Variants in SCARF2 observed in about 807,000 individuals in gnomAD.
SCARF2 encodes the protein scavenger receptor expressed by endothelial cells 2 protein.
SCARF2 carries 39 observed loss-of-function variants against 73.4 expected under a neutral mutation model. The ratio of observed to expected loss-of-function variants is 0.53; its 90% CI spans 0.41 to 0.69. The LOEUF is 0.69. Ranked by LOEUF, SCARF2 falls within the 30% of genes least tolerant of loss-of-function variation. SCARF2 has a pLI of 0.00. For synonymous variants in SCARF2, 605 were observed against 590.0 expected, an observed-to-expected ratio of 1.03 and a Z score of -0.37; for missense variants, 1,148 against 1,303.5, an observed-to-expected ratio of 0.88 and a Z score of 1.84.
In SCARF2 at chr22:20,432,064, T is replaced by C. The variant is rs1476715422; in HGVS notation, c.174-76A>G. On this transcript the variant is annotated intron_variant, in intron 1 of 10. Transcript: ENST00000622235. ...ATCTGCTCCGGGCTCCTCCGCAGCC[T>C]CCGCACAGCCTCCCTGCCTCTGCAG... 1.1e-5 allele frequency: 16 copies of C among 1,428,962 alleles called. No homozygotes were observed. In the African/African-American group the frequency reaches 2.2e-4, roughly 20 times the overall value. The allele number at this position is 1,428,962 out of a possible 1,614,324, so 88.5% of individuals were successfully genotyped here. A position where few individuals can be genotyped will look rare whatever the true frequency, so the allele number is the denominator to read the frequency against.
At chr22:20,434,877 A>C (rs2052682934) in intron 1 of SCARF2, among the ~76,000 whole-genome samples, 1 of 152,086 alleles carries the variant, frequency 6.6e-6, no homozygotes, top group Non-Finnish European at 1.5e-5. Flanking sequence ...CACACCCTTC[A>C]GACCCCACAC....
Position 20,431,819 on chromosome 22 carries a change from G to C in SCARF2, c.260C>G (p.Ser87Ter). 6.3e-7 allele frequency: 1 copy of C among 1,598,890 alleles called. No homozygotes were observed. The highest frequency in any genetic ancestry group is 8.5e-7 in the Non-Finnish European group (1 of 1,173,980). The part of the protein sequence containing the change: ...IAVCEGNSTC[S>*]ENEVCVRPGE... ...AGGCCTCACGCACACCTCGTTCTCT[G>C]AGCACGTGGAGTTGCCTTCGCACAC... Residue 87 changes from serine (S) to a stop codon, truncating the protein, a stop_gained, in exon 3 of 11, where the codon TCA becomes TGA. Transcript: ENST00000622235. LOFTEE classifies it high-confidence loss of function.
In SCARF2 at chr22:20,431,325, T is replaced by C; in HGVS notation, c.547A>G (p.Ser183Gly). The C allele has an allele frequency of 6.6e-7, 1 of 1,508,162 alleles. No homozygotes were observed. The highest frequency in any genetic ancestry group is 1.2e-5 in the South Asian group (1 of 81,178). The allele number at this position is 1,508,162 out of a possible 1,614,324, so 93.4% of individuals were successfully genotyped here. ...GACGTGGCGCTGCAGTAGCACGCGC[T>C]GGCGCACTGCGCGCCCCACCAGCCG... ...EPGWWGAQCA[S>G]ACYCSATSRC... is the part of the protein sequence containing the mutation. Residue 183 changes from serine (S) to glycine (G), a missense_variant, in exon 4 of 11, where the codon AGC (serine) becomes GGC (glycine). Ser to Gly is a moderately conservative substitution (Grantham distance 56). Coordinates refer to ENST00000622235, the MANE Select transcript of SCARF2 (RefSeq NM_182895.5).
rs201154364 is a variant in SCARF2 at position 20,429,865 on chromosome 22, G to A, written c.1203-32C>T. On this transcript the variant is annotated intron_variant, in intron 6 of 10. Coordinates refer to ENST00000622235, the MANE Select transcript of SCARF2 (RefSeq NM_182895.5). This position sits in a 1 kb window ranked among gnomAD's most constrained non-coding sequence, Gnocchi z 5.2. ...GGACATAGGGTCAAGGCATGCCACA[G>A]CCGCCCCCCTAGGATGCCCCCTACC... 1.4e-3 allele frequency: 2,318 copies of A among 1,605,398 alleles called. 19 individuals carry two copies. The highest frequency in any genetic ancestry group is 0.013 in the South Asian group (1,163 of 90,700).
At chr22:20,428,825 G>A (rs2052609205) in intron 9 of SCARF2, among the ~76,000 whole-genome samples, 1 of 152,084 alleles carries the variant, frequency 6.6e-6, no homozygotes, top group Non-Finnish European at 1.5e-5. Context: ...GGGGATGTAG[G>A]CAGGAGGGTG....
In SCARF2 at chr22:20,431,244, T is replaced by C. The variant is rs1332577143; in HGVS notation, c.628A>G (p.Ser210Gly). 1.3e-6 allele frequency: 2 copies of C among 1,552,750 alleles called. No homozygotes were observed. Among genetic ancestry groups the C allele is most frequent in the Non-Finnish European group, 1.7e-6 (2 of 1,157,646 alleles). The change falls in exon 4 of 11, where the codon AGC becomes GGC. Residue 210 changes from serine (S) to glycine (G), a missense_variant. Physicochemically the swap from Ser to Gly is moderately conservative, Grantham distance 56. Coordinates refer to ENST00000622235, the MANE Select transcript of SCARF2 (RefSeq NM_182895.5). ...CLCHAGWWGR[S>G]CNNQCACNSS... ...TTGCAGGCGCACTGGTTGTTGCAGC[T>C]GCGGCCCCACCAGCCTGCGTGGCAC...
rs1364596373 is a variant in SCARF2, at chr22:20,429,717, C to A, written c.1306+13G>T. ...CCCTGCATTCCTTAACGGGACGCCC[C>A]TCATCCACTTACCTAGGTGGCAGGC... On this transcript the variant is annotated intron_variant, in intron 7 of 10. Transcript: ENST00000622235. This position sits in a 1 kb window ranked among gnomAD's most constrained non-coding sequence, Gnocchi z 5.2. The A allele has an allele frequency of 1.2e-6, 2 of 1,613,970 alleles. No homozygotes were observed. Among genetic ancestry groups the A allele is most frequent in the Non-Finnish European group, 1.7e-6 (2 of 1,179,944 alleles).
rs762904849 is a variant in SCARF2, at chr22:20,427,448, G to T, written c.1643C>A (p.Ser548Tyr). The T allele has an allele frequency of 6.2e-7, 1 of 1,614,214 alleles. No individual in the cohort carries two copies. Among genetic ancestry groups the T allele is most frequent in the Non-Finnish European group, 8.5e-7 (1 of 1,180,040 alleles). The change falls in exon 10 of 11, where the codon TCC becomes TAC. Residue 548 changes from serine (S) to tyrosine (Y), a missense_variant. Ser to Tyr is a moderately radical substitution (Grantham distance 144). Transcript: ENST00000622235. ...SPSWSSRASF[S>Y]SFDTTDEGPV... Reference sequence around the variant, plus strand: ...GCCTTCATCAGTGGTGTCAAACGAGGAGAAGGAGGCCCGAGAGGACCAGGA... The same window carrying T: ...GCCTTCATCAGTGGTGTCAAACGAGTAGAAGGAGGCCCGAGAGGACCAGGA...
At chr22:20,432,748 G>C (rs769487623) in intron 1 of SCARF2, among the ~76,000 whole-genome samples, 2 of 152,150 alleles carry the variant, frequency 1.3e-5, no homozygotes, top group Non-Finnish European at 2.9e-5. Context: ...AAACAGTCTC[G>C]CTCTGTTGCC....
chr22:20,425,469 G>A lies in SCARF2; in HGVS notation c.2507C>T (p.Thr836Ile), dbSNP rs757684367. 5 of 1,400,530 alleles carry A rather than the reference G, an allele frequency of 3.6e-6. No individual in the cohort carries two copies. The highest frequency in any genetic ancestry group is 1.5e-5 in the African/African-American group (1 of 67,282). 86.8% of individuals were successfully genotyped at this position (1,400,530 alleles called of 1,614,324 possible). ...CTGGATGGGGGTCTTCTTCCGGGGG[G>A]TCTCAGGCGCGGGCAAGTCGGTCGC... ...KAATDLPAPE[T>I]PRKKTPIQKP... Residue 836 changes from threonine (T) to isoleucine (I), a missense_variant, in exon 11 of 11, where the codon ACC (threonine) becomes ATC (isoleucine). Thr to Ile is a moderately conservative substitution (Grantham distance 89). Around this residue, in one of 5 missense-constraint regions of SCARF2, gnomAD observed 169 missense variants for 136.9 expected, o/e 1.23. Coordinates refer to ENST00000622235, the MANE Select transcript of SCARF2 (RefSeq NM_182895.5). This position sits in a 1 kb window ranked among gnomAD's most constrained non-coding sequence, Gnocchi z 4.6.
Position 20,429,275 on chromosome 22 carries a change from A to T in SCARF2, c.1490T>A (p.Met497Lys). Residue 497 changes from methionine to lysine, a missense_variant, in exon 9 of 11, where the codon ATG (methionine) becomes AAG (lysine). Physicochemically the swap from Met to Lys is moderately conservative, Grantham distance 95. Around this residue, in one of 5 missense-constraint regions of SCARF2, gnomAD observed 437 missense variants for 433.6 expected, o/e 1.01. Coordinates refer to ENST00000622235, the MANE Select transcript of SCARF2 (RefSeq NM_182895.5). This position sits in a 1 kb window ranked among gnomAD's most constrained non-coding sequence, Gnocchi z 5.2. ...CCGGAGCGGGATCCGGGGCAGCTTC[A>T]TGCTGATGCGACTGAAGCGCCCGCA... ...RLCGRFSRIS[M>K]KLPRIPLRRQ... 6.2e-7 allele frequency: 1 copy of T among 1,609,538 alleles called. No individual in the cohort carries two copies. The highest frequency in any genetic ancestry group is 8.5e-7 in the Non-Finnish European group (1 of 1,177,684).
At position 20,437,745 on chromosome 22, in the gene SCARF2, C is replaced by T. The variant is rs766866928; in HGVS notation, c.10G>A (p.Ala4Thr). Reference protein sequence around the residue: MEGAGPRGAGPARR... With the variant: MEGTGPRGAGPARR... Reference sequence around the variant, plus strand: ...GCCGGCCCGGCCCCCCGGGGCCCTGCGCCCTCCATGAGGCGCGGGGCAGGC... The same window carrying T: ...GCCGGCCCGGCCCCCCGGGGCCCTGTGCCCTCCATGAGGCGCGGGGCAGGC... Residue 4 changes from alanine to threonine, a missense_variant, in exon 1 of 11, where the codon GCA (alanine) becomes ACA (threonine). By Grantham distance (58) the Ala-to-Thr change is moderately conservative. Transcript: ENST00000622235. 12 of 1,150,100 alleles carry T rather than the reference C, an allele frequency of 1.0e-5. No homozygotes were observed. In the South Asian group the frequency reaches 3.4e-4, roughly 33 times the overall value. The allele number at this position is 1,150,100 out of a possible 1,614,324, so 71.2% of individuals were successfully genotyped here. A position where few individuals can be genotyped will look rare whatever the true frequency, so the allele number is the denominator to read the frequency against.
At chr22:20,433,588 C>T (rs1569111548) in intron 1 of SCARF2, among the ~76,000 whole-genome samples, 1 of 152,218 alleles carries the variant, frequency 6.6e-6, no homozygotes, top group Non-Finnish European at 1.5e-5. Context: ...CCTCGAGGCC[C>T]CTCCTCCTGA....
Position 20,437,567 on chromosome 22 carries a change from C to A in SCARF2, c.173+15G>T. ...CGTCCCTCTCGCCCCCTCCCCCAGC[C>A]AGGCCGGCTCCTACCCGGGAGCACG... On this transcript the variant is annotated intron_variant, in intron 1 of 10. Coordinates refer to ENST00000622235, the MANE Select transcript of SCARF2 (RefSeq NM_182895.5). 1 of 1,569,444 alleles carries A rather than the reference C, an allele frequency of 6.4e-7. No homozygotes were observed. The highest frequency in any genetic ancestry group is 2.3e-5 in the East Asian group (1 of 42,702).
At chr22:20,436,654 G>C (rs1370536340) in intron 1 of SCARF2, among the ~76,000 whole-genome samples, 1 of 152,124 alleles carries the variant, frequency 6.6e-6, no homozygotes, top group African/African-American at 2.4e-5. Context: ...CTCGGAGCCC[G>C]GCGGCCGCCT....
chr22:20,430,384 G>A, intron 6 of SCARF2, 45 bp downstream of exon 6: 1 of 1,561,522 alleles, frequency 6.4e-7, no homozygotes, highest in African/African-American at 1.4e-5. Context: ...CCCCCTCTGT[G>A]GCAGGTACAA....
intron 10 of SCARF2, 129 bp from the exon 11 acceptor site, chr22:20,426,411 C>T: frequency 2.0e-6 from 2 of 1,023,296 alleles, no homozygotes; most frequent in Non-Finnish European, 1.4e-6. Flanking sequence ...GGCATCTAGA[C>T]GTGCCTGGCA....
chr22:20,437,585 G>A lies in SCARF2; in HGVS notation c.170C>T (p.Pro57Leu), dbSNP rs1365792378. 2 of 1,574,894 alleles carry A rather than the reference G, an allele frequency of 1.3e-6. No homozygotes were observed. The highest frequency in any genetic ancestry group is 2.3e-5 in the South Asian group (2 of 87,234). The change falls in exon 1 of 11, where the codon CCC becomes CTC. Residue 57 changes from proline (P) to leucine (L), a missense_variant. By Grantham distance (98) the Pro-to-Leu change is moderately conservative (BLOSUM62 -3). Around this residue, in one of 5 missense-constraint regions of SCARF2, gnomAD observed 124 missense variants for 120.4 expected, o/e 1.03. Coordinates refer to ENST00000622235, the MANE Select transcript of SCARF2 (RefSeq NM_182895.5). ...CCCCAGCCAGGCCGGCTCCTACCCG[G>A]GAGCACGGCACACGTTGCGGCCGCG... ...NPRGRNVCRA[P>L]GSQVPTCCAG... is the part of the protein sequence containing the mutation.
chr22:20,426,616 G>A (rs975938268), intron 10 of SCARF2, among the ~76,000 whole-genome samples: 4 of 152,260 alleles, frequency 2.6e-5, no homozygotes, highest in Admixed American at 2.0e-4. Context: ...CATCCCCACA[G>A]GGGTTCCATT....
Sources: allele counts gnomAD v4.1 joint callset (sites outside exome capture counted in the v4.1 genomes callset), GRCh38; gene constraint gnomAD v4.1.1; regional missense constraint gnomAD v4.1.1; non-coding constraint Gnocchi (gnomAD v3.1); transcripts MANE v1.5; gene names NCBI Gene and HGNC (gene_info 2026-07-23, HGNC 2026-07-21).